Variants in XPO1 observed in about 807,000 individuals in gnomAD.
The protein encoded by XPO1 is exportin 1.
XPO1 carries 5 observed loss-of-function variants against 133.3 expected under a neutral mutation model. That is an observed-to-expected ratio of 0.04 (90% CI 0.02 to 0.08). XPO1 has a LOEUF of 0.08. XPO1 is among the 10% of genes least tolerant of loss of function. The pLI, the probability that XPO1 is intolerant of heterozygous loss-of-function variation, is 1.00. For synonymous variants in XPO1, 419 were observed against 408.2 expected (o/e 1.03, Z -0.32); for missense variants, 506 against 1,267.5 (o/e 0.40, Z 9.12).
chr2:61,493,518 A>T (rs1211348118), intron 12 of XPO1: 2 of 201,694 alleles, frequency 9.9e-6, no homozygotes, highest in Non-Finnish European at 1.0e-5. Context: ...AAAAGAAAAA[A>T]TTTTTTTTCA....
intron 4 of XPO1, among the ~76,000 whole-genome samples, chr2:61,507,673 T>C (rs1053691413): frequency 6.6e-6 from 1 of 151,816 alleles, no homozygotes; most frequent in African/African-American, 2.4e-5. Context: ...AGGCCAGGAG[T>C]TCGAGACCAG....
chr2:61,529,666 C>CAAAA (rs368005107), intron 2 of XPO1, among the ~76,000 whole-genome samples: 1 of 84,356 alleles, frequency 1.2e-5, no homozygotes, highest in Non-Finnish European at 2.5e-5. Context: ...TGTCTCATTA[C>CAAAA]AAAAAAAAAA....
intron 4 of XPO1, among the ~76,000 whole-genome samples, chr2:61,514,593 TAA>T (rs562982187): frequency 4.8e-4 from 60 of 125,736 alleles, no homozygotes; most frequent in Admixed American, 5.8e-4. Flanking sequence ...ACTCTGTCTT[TAA>T]AAAAAAAAAA....
At chr2:61,489,401 G>GA (rs1696854825) in intron 17 of XPO1, among the ~76,000 whole-genome samples, 1 of 123,118 alleles carries the variant, frequency 8.1e-6, no homozygotes, top group South Asian at 3.0e-4. Context: ...CACCAAGAGT[G>GA]AAACTCCATC....
chr2:61,483,163 C>G, intron 21 of XPO1, 72 bp from the exon 22 acceptor site: 1 of 1,498,022 alleles, frequency 6.7e-7, no homozygotes, highest in Non-Finnish European at 9.0e-7. Flanking sequence ...TAGCTCTTAT[C>G]AAAGTATTCT....
intron 6 of XPO1, among the ~76,000 whole-genome samples, chr2:61,500,956 C>T (rs1448233437): frequency 6.6e-6 from 1 of 152,130 alleles, no homozygotes; most frequent in African/African-American, 2.4e-5. Context: ...GGACGCACTG[C>T]AATCGGGGCC....
chr2:61,485,836 G>A lies in XPO1; in HGVS notation c.2440C>T (p.His814Tyr). ...ATTTGAGGTATTTCAGCTGTTATAT[G>A]TCCCCCTAACTTGTTGACAATTATG... is the stretch of plus-strand genomic sequence containing the variant. ...MAIIVNKLGG[H>Y]ITAEIPQIFD... Residue 814 changes from histidine (H) to tyrosine (Y), a missense_variant, in exon 20 of 25, where the codon CAT (histidine) becomes TAT (tyrosine). Around this residue, in one of 6 missense-constraint regions of XPO1, gnomAD observed 203 missense variants for 365.9 expected, o/e 0.55. Coordinates refer to ENST00000401558, the MANE Select transcript of XPO1 (RefSeq NM_003400.4). The A allele has an allele frequency of 6.2e-7, 1 of 1,613,946 alleles. No individual in the cohort carries two copies. Among genetic ancestry groups the A allele is most frequent in the Non-Finnish European group, 8.5e-7 (1 of 1,179,928 alleles).
chr2:61,505,036 G>A (rs1358906001), intron 4 of XPO1, among the ~76,000 whole-genome samples: 1 of 152,204 alleles, frequency 6.6e-6, no homozygotes, highest in Non-Finnish European at 1.5e-5. Context: ...TTAGAGGCAG[G>A]GTCTTGGTCT....
intron 23 of XPO1, among the ~76,000 whole-genome samples, chr2:61,482,033 C>A (rs1211317165): frequency 5.8e-5 from 5 of 86,820 alleles, no homozygotes; most frequent in Non-Finnish European, 1.2e-4. Flanking sequence ...CCGTGCGTGG[C>A]CTTTTTTTTT....
At chr2:61,497,583 CT>C (rs1697302497) in intron 9 of XPO1, among the ~76,000 whole-genome samples, 1 of 152,120 alleles carries the variant, frequency 6.6e-6, no homozygotes, top group Non-Finnish European at 1.5e-5. Context: ...TGTGATATGA[CT>C]TTTAGGAATG....
intron 17 of XPO1, among the ~76,000 whole-genome samples, 191 bp downstream of exon 17, chr2:61,490,451 G>C (rs1031706114): frequency 6.6e-6 from 1 of 151,988 alleles, no homozygotes; most frequent in African/African-American, 2.4e-5. Context: ...CGCCCGCCTC[G>C]GCCTTCCAAT....
At chr2:61,496,108 G>A (rs1397679200) in intron 10 of XPO1, among the ~76,000 whole-genome samples, 4 of 152,134 alleles carry the variant, frequency 2.6e-5, no homozygotes, top group East Asian at 1.9e-4. Flanking sequence ...ATTAAAGGCC[G>A]CTATCACAGC....
intron 1 of XPO1, chr2:61,536,137 T>C (rs370543119): frequency 1.9e-4 from 29 of 152,222 alleles, no homozygotes; most frequent in African/African-American, 7.0e-4. Flanking sequence ...AGATTTAGAA[T>C]AGAAGGATTT....
At chr2:61,514,257 C>T (rs1429346003) in intron 4 of XPO1, among the ~76,000 whole-genome samples, 2 of 150,828 alleles carry the variant, frequency 1.3e-5, no homozygotes, top group Non-Finnish European at 2.9e-5. Flanking sequence ...TGGCAAAGAA[C>T]ATGTAAGGAT....
rs568925485 is a variant in XPO1, at chr2:61,497,396, G to A, written c.760-389C>T. Among the ~76,000 whole-genome samples the A allele has an allele frequency of 2.0e-5, 3 of 152,210 alleles. No homozygotes were observed. The South Asian group carries it at 6.2e-4, about 32-fold the overall frequency. On this transcript the variant is annotated intron_variant, in intron 9 of 24. Transcript: ENST00000401558. ...CCGGCTAATTTTTGTATTTTTAGTA[G>A]AGACAGGGTTTTGCCACGTTGGGCC...
In XPO1 at chr2:61,482,971, G is replaced by C. The variant is rs1696475009; in HGVS notation, c.2798C>G (p.Thr933Ser). Residue 933 changes from threonine to serine, a missense_variant, in exon 22 of 25, where the codon ACT becomes AGT. This residue lies in a region of XPO1 where 203 missense variants were observed against 365.9 expected (regional missense o/e 0.55). Transcript: ENST00000401558. ...LQHIFSVVTD[T>S]SHTAGLTMHA... ...TAAATTCTTACCAGCAGTATGTGAA[G>C]TGTCTGTCACAACAGAAAAGATATG... 1 of 1,613,458 alleles carries C rather than the reference G, an allele frequency of 6.2e-7. No homozygotes were observed. The highest frequency in any genetic ancestry group is 1.7e-5 in the Admixed American group (1 of 59,780).
intron 9 of XPO1, among the ~76,000 whole-genome samples, chr2:61,497,282 G>A (rs1334215201): frequency 9.2e-5 from 14 of 151,976 alleles, no homozygotes; most frequent in Non-Finnish European, 1.5e-4. Flanking sequence ...GCTTGATCTC[G>A]GCTCACTGCA....
chr2:61,520,884 G>A (rs1462982251), intron 4 of XPO1, among the ~76,000 whole-genome samples: 2 of 152,118 alleles, frequency 1.3e-5, no homozygotes. Flanking sequence ...GGCAGACCAT[G>A]GCCAAAATTA....
chr2:61,519,809 A>C (rs1698602757), intron 4 of XPO1, among the ~76,000 whole-genome samples: 1 of 152,024 alleles, frequency 6.6e-6, no homozygotes, highest in Non-Finnish European at 1.5e-5. Flanking sequence ...GCAGGAATCT[A>C]ATTTTGGCAT....
Sources: gnomAD v4.1 joint callset for allele counts (sites outside exome capture counted in the v4.1 genomes callset) on GRCh38, gnomAD v4.1.1 for gene constraint, gnomAD v4.1.1 regional missense constraint, MANE v1.5 for transcripts, NCBI Gene and HGNC (gene_info 2026-07-23, HGNC 2026-07-21) for gene names.